The following EPC2 variants were observed in gnomAD, a reference collection of about 807,000 sequenced individuals.
EPC2 encodes the protein enhancer of polycomb homolog 2.
A neutral mutation model predicts 92.1 loss-of-function variants in EPC2; 14 were observed. The observed-to-expected ratio is 0.15, with a 90% CI of 0.10 to 0.24. EPC2 has a LOEUF of 0.24. Among genes scored for constraint, EPC2 ranks in the 10% least tolerant of loss-of-function variants. The pLI, the probability that EPC2 is intolerant of heterozygous loss-of-function variation, is 1.00. For missense variants in EPC2, 755 were observed against 971.5 expected, an observed-to-expected ratio of 0.78 and a Z score of 2.96; for synonymous variants, 340 against 334.7, an observed-to-expected ratio of 1.02 and a Z score of -0.17.
At chr2:148,662,469 A>C (rs752058753) in intron 1 of EPC2, among the ~76,000 whole-genome samples, 1 of 152,236 alleles carries the variant, frequency 6.6e-6, no homozygotes, top group African/African-American at 2.4e-5. Flanking sequence ...CATATACACC[A>C]TGGAATACTA....
Position 148,683,144 on chromosome 2 carries a change from T to G in EPC2, c.154-7070T>G, listed in dbSNP as rs1341887959. 3.3e-5 allele frequency among the ~76,000 whole-genome samples: 5 copies of G among 152,180 alleles called. No homozygotes were observed. The East Asian group carries it at 9.7e-4, about 29-fold the overall frequency. On this transcript the variant is annotated intron_variant, in intron 1 of 13. Coordinates refer to ENST00000258484, the MANE Select transcript of EPC2 (RefSeq NM_015630.4). ...GGTGTTTGCTTGCTTGGAAAAGTCC[T>G]TTAGTAGTGATTTCTGAGATTTTGG... is the stretch of plus-strand genomic sequence containing the variant.
chr2:148,673,298 C>T (rs1261285575), intron 1 of EPC2, among the ~76,000 whole-genome samples: 1 of 152,150 alleles, frequency 6.6e-6, no homozygotes, highest in African/African-American at 2.4e-5. Context: ...CTCTCTCTAA[C>T]CTTCTTAAGC....
chr2:148,763,641 C>G (rs1160561646), intron 6 of EPC2, among the ~76,000 whole-genome samples: 2 of 151,604 alleles, frequency 1.3e-5, no homozygotes, highest in African/African-American at 4.8e-5. Flanking sequence ...AGCAGGAAGA[C>G]TCCTTCATTC....
At chr2:148,722,858 A>G (rs558517847) in intron 2 of EPC2, among the ~76,000 whole-genome samples, 2 of 152,228 alleles carry the variant, frequency 1.3e-5, no homozygotes, top group Non-Finnish European at 2.9e-5. Flanking sequence ...GAACGAGATC[A>G]TGTCCTTTGC....
chr2:148,719,195 A>T (rs1200739450), intron 2 of EPC2, among the ~76,000 whole-genome samples: 2 of 151,984 alleles, frequency 1.3e-5, no homozygotes, highest in African/African-American at 4.8e-5. Flanking sequence ...ATGCTCCTTT[A>T]GCTCAGTGAA....
intron 1 of EPC2, among the ~76,000 whole-genome samples, chr2:148,654,452 T>C (rs1680748858): frequency 6.6e-6 from 1 of 151,374 alleles, no homozygotes; most frequent in Admixed American, 6.6e-5. Flanking sequence ...AGGCCAGGAG[T>C]TTTGAGACCA....
rs147148489 is a variant in EPC2 at position 148,698,292 on chromosome 2, C to G, written c.313+7919C>G. Among the ~76,000 whole-genome samples the G allele has an allele frequency of 1.5e-3, 235 of 152,244 alleles. 1 individual carries two copies. The highest frequency in any genetic ancestry group is 2.6e-3 in the Non-Finnish European group (178 of 68,022). On this transcript the variant is annotated intron_variant, in intron 2 of 13. Transcript: ENST00000258484. The stretch of plus-strand genomic sequence containing the variant: ...AAAGCCACCTCCCTGCCCCACCGCC[C>G]CCTCTAAAATTGGACCTTGTTTGAA...
At chr2:148,679,311 A>AT (rs1301140398) in intron 1 of EPC2, among the ~76,000 whole-genome samples, 2 of 152,176 alleles carry the variant, frequency 1.3e-5, no homozygotes, top group Non-Finnish European at 2.9e-5. Flanking sequence ...TTGAAATTTG[A>AT]TTCTCTTGTA....
chr2:148,663,453 C>T (rs1489903353), intron 1 of EPC2, among the ~76,000 whole-genome samples: 2 of 151,320 alleles, frequency 1.3e-5, no homozygotes, highest in Non-Finnish European at 2.9e-5. Context: ...CTCCTGACCT[C>T]GTGACCCACC....
At chr2:148,772,029 C>T (rs1273842168) in intron 10 of EPC2, among the ~76,000 whole-genome samples, 1 of 152,068 alleles carries the variant, frequency 6.6e-6, no homozygotes, top group Admixed American at 6.6e-5. Context: ...GAAATCCTGA[C>T]CTCAGGTGAT....
At chr2:148,760,068 T>A (rs148353271) in intron 4 of EPC2, among the ~76,000 whole-genome samples, 1 of 152,008 alleles carries the variant, frequency 6.6e-6, no homozygotes, top group African/African-American at 2.4e-5. Flanking sequence ...CATGGTGAAA[T>A]CCCATCTCTT....
chr2:148,689,711 C>T (rs1003985450), intron 1 of EPC2, among the ~76,000 whole-genome samples: 12 of 152,158 alleles, frequency 7.9e-5, no homozygotes, highest in African/African-American at 2.9e-4. Context: ...TTCATTTAAC[C>T]TTTATTTAAA....
Position 148,715,192 on chromosome 2 carries a change from C to T in EPC2, c.313+24819C>T, listed in dbSNP as rs1316661576. Among the ~76,000 whole-genome samples the T allele has an allele frequency of 3.3e-5, 5 of 152,016 alleles. No individual in the cohort carries two copies. In the South Asian group the frequency reaches 6.2e-4, roughly 19 times the overall value. ...GGGACTACAGGCACGTGCCACCGCACCCGGCTACTTCTTTGTATTTTTAAT... is the reference window on the plus strand; with the variant it reads ...GGGACTACAGGCACGTGCCACCGCATCCGGCTACTTCTTTGTATTTTTAAT... On this transcript the variant is annotated intron_variant, in intron 2 of 13. Coordinates refer to ENST00000258484, the MANE Select transcript of EPC2 (RefSeq NM_015630.4).
At chr2:148,659,504 A>T (rs2105354094) in intron 1 of EPC2, among the ~76,000 whole-genome samples, 1 of 152,254 alleles carries the variant, frequency 6.6e-6, no homozygotes, top group South Asian at 2.1e-4. Flanking sequence ...TTACTTATTG[A>T]TACTTTGTTG....
At chr2:148,761,965 A>G (rs1043389650) in intron 5 of EPC2, 35 bp downstream of exon 5, 6 of 1,526,430 alleles carry the variant, frequency 3.9e-6, no homozygotes, top group Non-Finnish European at 5.2e-6. Context: ...TAAAATGACA[A>G]CTTTACCAAA....
intron 10 of EPC2, 105 bp downstream of exon 10, chr2:148,771,492 GAAAC>G: frequency 9.2e-7 from 1 of 1,088,330 alleles, no homozygotes; most frequent in South Asian, 1.6e-5. Flanking sequence ...TCCAACCTAA[GAAAC>G]AAAATTGTTC....
At chr2:148,761,608 C>T (rs1683301702) in intron 4 of EPC2, among the ~76,000 whole-genome samples, 174 bp from the exon 5 acceptor site, 1 of 152,114 alleles carries the variant, frequency 6.6e-6, no homozygotes, top group East Asian at 1.9e-4. Context: ...CTTGCTTGTA[C>T]TTATATTTTC....
intron 3 of EPC2, among the ~76,000 whole-genome samples, chr2:148,744,101 A>G (rs1481760188): frequency 6.6e-6 from 1 of 152,248 alleles, no homozygotes; most frequent in South Asian, 2.1e-4. Flanking sequence ...TCTTATGTCA[A>G]ATCTTGCTCA....
intron 4 of EPC2, among the ~76,000 whole-genome samples, chr2:148,756,137 T>G (rs561411462): frequency 4.3e-4 from 66 of 152,366 alleles, no homozygotes; most frequent in African/African-American, 1.6e-3. Context: ...TTCTTGTGTT[T>G]AGGCATTTCT....
Sources: allele counts gnomAD v4.1 joint callset (sites outside exome capture counted in the v4.1 genomes callset), GRCh38; gene constraint gnomAD v4.1.1; transcripts MANE v1.5; gene names NCBI Gene and HGNC (gene_info 2026-07-23, HGNC 2026-07-21).